PTPRD: variants seen among roughly 807,000 people sequenced by gnomAD.
PTPRD encodes the protein protein tyrosine phosphatase receptor type D, also known as receptor-type tyrosine-protein phosphatase delta.
A neutral mutation model predicts 214.5 loss-of-function variants in PTPRD; 34 were observed. That is an observed-to-expected ratio of 0.16 (90% CI 0.12 to 0.21). PTPRD has a LOEUF of 0.21. Among genes scored for constraint, PTPRD ranks in the 10% least tolerant of loss-of-function variants. The probability of loss-of-function intolerance (pLI) is 1.00; values close to 1 mark genes in which losing one functional copy is unlikely to be tolerated. For missense variants in PTPRD, 2,545 were observed against 2,398.7 expected, an observed-to-expected ratio of 1.06 and a Z score of -1.27; for synonymous variants, 1,128 against 845.7, an observed-to-expected ratio of 1.33 and a Z score of -5.79.
At chr9:9,080,499 T>C (rs943585909) in intron 10 of PTPRD, among the ~76,000 whole-genome samples, 12 of 152,108 alleles carry the variant, frequency 7.9e-5, no homozygotes, top group African/African-American at 2.9e-4. Context: ...TATCATCTTA[T>C]TATCCTCTTT....
At chr9:9,554,587 G>A (rs974390874) in intron 8 of PTPRD, among the ~76,000 whole-genome samples, 6 of 151,862 alleles carry the variant, frequency 4.0e-5, no homozygotes, top group African/African-American at 9.7e-5. Context: ...CACTCCTCTG[G>A]CACCTGAAGA....
chr9:10,305,634 A>AAAG (rs1334964136), intron 3 of PTPRD, among the ~76,000 whole-genome samples: 2 of 152,162 alleles, frequency 1.3e-5, no homozygotes, highest in Non-Finnish European at 2.9e-5. Flanking sequence ...CACTTCTGAA[A>AAAG]AGAAGACATT....
chr9:8,489,844 T>A (rs1248270900), intron 27 of PTPRD, among the ~76,000 whole-genome samples: 1 of 152,136 alleles, frequency 6.6e-6, no homozygotes, highest in Non-Finnish European at 1.5e-5. Context: ...ACACTATAGG[T>A]ATCAAACATT....
intron 9 of PTPRD, among the ~76,000 whole-genome samples, chr9:9,218,934 T>C (rs562337595): frequency 2.4e-4 from 37 of 152,244 alleles, no homozygotes; most frequent in African/African-American, 8.9e-4. Context: ...CTTTTAACTA[T>C]GTCTCATTTG....
At chr9:9,081,961 A>G (rs1239325296) in intron 10 of PTPRD, among the ~76,000 whole-genome samples, 2 of 151,984 alleles carry the variant, frequency 1.3e-5, no homozygotes, top group Non-Finnish European at 2.9e-5. Flanking sequence ...CAACTGAGGC[A>G]GTAATTAATA....
intron 21 of PTPRD, among the ~76,000 whole-genome samples, chr9:8,512,872 T>C (rs921759116): frequency 1.3e-5 from 2 of 151,994 alleles, no homozygotes; most frequent in African/African-American, 4.8e-5. Context: ...ATGCATTAGG[T>C]TTGAGATTTA....
intron 3 of PTPRD, among the ~76,000 whole-genome samples, chr9:10,175,170 G>A (rs1007545477): frequency 1.3e-5 from 2 of 151,980 alleles, no homozygotes; most frequent in African/African-American, 4.8e-5. Flanking sequence ...AGGATGCTGT[G>A]CCTGCAATAG....
intron 10 of PTPRD, among the ~76,000 whole-genome samples, chr9:9,034,435 C>T (rs2099615217): frequency 6.6e-6 from 1 of 152,164 alleles, no homozygotes; most frequent in Non-Finnish European, 1.5e-5. Flanking sequence ...AAAATACCTG[C>T]ACTATGTGTC....
At chr9:9,457,453 C>G (rs183673186) in intron 8 of PTPRD, among the ~76,000 whole-genome samples, 145 of 151,890 alleles carry the variant, frequency 9.5e-4, no homozygotes, top group African/African-American at 3.4e-3. Flanking sequence ...ATTCTGTGTT[C>G]TATATTTCAG....
At chr9:8,421,777 G>C (rs2094382080) in intron 35 of PTPRD, among the ~76,000 whole-genome samples, 1 of 151,874 alleles carries the variant, frequency 6.6e-6, no homozygotes, top group Non-Finnish European at 1.5e-5. Flanking sequence ...AAAAAGCCCA[G>C]TGGTCTTCTT....
chr9:10,199,701 C>A lies in PTPRD; in HGVS notation c.-545+141262G>T, dbSNP rs535181381. Among the ~76,000 whole-genome samples, 6 of 151,952 alleles carry A rather than the reference C, an allele frequency of 3.9e-5. No homozygotes were observed. The East Asian group carries it at 1.2e-3, about 29-fold the overall frequency. The stretch of plus-strand genomic sequence containing the variant: ...ACATAGCTTCCCTTAAGACACAAAA[C>A]CAGGAAGGAGCAAATCTGAATTTCC... On this transcript the variant is annotated intron_variant, in intron 3 of 45. Transcript: ENST00000381196.
At chr9:9,762,679 A>G (rs911464382) in intron 6 of PTPRD, among the ~76,000 whole-genome samples, 5 of 152,212 alleles carry the variant, frequency 3.3e-5, no homozygotes, top group Admixed American at 6.5e-5. Context: ...CATGATCCTC[A>G]TTTCTACATA....
chr9:8,672,863 T>G (rs2097314985), intron 12 of PTPRD, among the ~76,000 whole-genome samples: 6 of 103,812 alleles, frequency 5.8e-5, no homozygotes, highest in South Asian at 7.2e-4. Flanking sequence ...GGTGGGTGGG[T>G]ATGTGGGGGT....
At chr9:9,274,472 A>T (rs1944186323) in intron 9 of PTPRD, among the ~76,000 whole-genome samples, 1 of 151,302 alleles carries the variant, frequency 6.6e-6, no homozygotes, top group Non-Finnish European at 1.5e-5. Context: ...CAAATTATAA[A>T]GACTTAAGGT....
At chr9:10,576,568 G>C (rs1411834949) in intron 2 of PTPRD, among the ~76,000 whole-genome samples, 1 of 152,078 alleles carries the variant, frequency 6.6e-6, no homozygotes, top group African/African-American at 2.4e-5. Context: ...TCACCTCTTA[G>C]ACTAGGCTAC....
chr9:9,520,267 A>ATATATATATATATATTAAGT (rs913382904), intron 8 of PTPRD, among the ~76,000 whole-genome samples: 99 of 145,898 alleles, frequency 6.8e-4, no homozygotes, highest in African/African-American at 2.4e-3. Context: ...CCTAAAAGTT[A>ATATATATATATATATTAAGT]TATATATATA....
At chr9:9,598,337 T>C (rs1317172929) in intron 7 of PTPRD, among the ~76,000 whole-genome samples, 1 of 152,066 alleles carries the variant, frequency 6.6e-6, no homozygotes, top group African/African-American at 2.4e-5. Flanking sequence ...AATGGGGATG[T>C]CGAGTAGGAG....
intron 3 of PTPRD, among the ~76,000 whole-genome samples, chr9:10,078,295 G>A (rs187818265): frequency 6.7e-6 from 1 of 149,466 alleles, no homozygotes; most frequent in Non-Finnish European, 1.5e-5. Flanking sequence ...GGCAGATTGC[G>A]AGGTCAGAAG....
chr9:10,181,979 G>T (rs1593355536), intron 3 of PTPRD, among the ~76,000 whole-genome samples: 1 of 148,456 alleles, frequency 6.7e-6, no homozygotes, highest in South Asian at 2.1e-4. Context: ...GGAATGGCTG[G>T]GTGCAGTGGC....
Sources: allele counts gnomAD v4.1 joint callset (sites outside exome capture counted in the v4.1 genomes callset), GRCh38; gene constraint gnomAD v4.1.1; transcripts MANE v1.5; gene names NCBI Gene and HGNC (gene_info 2026-07-23, HGNC 2026-07-21).